ANO3: variants seen among roughly 807,000 people sequenced by gnomAD.
ANO3 encodes anoctamin-3.
ANO3 carries 99 observed loss-of-function variants against 144.8 expected under a neutral mutation model. The observed-to-expected ratio is 0.68, with a 90% CI of 0.58 to 0.81. The LOEUF is 0.81. Among genes scored for constraint, ANO3 ranks in the 30% least tolerant of loss-of-function variants. The probability of loss-of-function intolerance (pLI) is 0.00; values close to 1 mark genes in which losing one functional copy is unlikely to be tolerated. For synonymous variants in ANO3, 414 were observed against 392.6 expected (o/e 1.05, Z -0.64); for missense variants, 905 against 1,202.2 (o/e 0.75, Z 3.66).
chr11:26,335,015 G>T (rs1855156871), intron 1 of ANO3, among the ~76,000 whole-genome samples: 1 of 152,106 alleles, frequency 6.6e-6, no homozygotes, highest in African/African-American at 2.4e-5. Flanking sequence ...GATCAAAATT[G>T]GTTTTGATAG....
At chr11:26,597,085 G>T (rs966822788) in intron 14 of ANO3, among the ~76,000 whole-genome samples, 2 of 152,010 alleles carry the variant, frequency 1.3e-5, no homozygotes, top group Non-Finnish European at 2.9e-5. Context: ...GGATAGGACA[G>T]AATAGCAAGT....
At chr11:26,452,177 T>G (rs1428289780) in intron 3 of ANO3, among the ~76,000 whole-genome samples, 2 of 152,062 alleles carry the variant, frequency 1.3e-5, no homozygotes, top group Non-Finnish European at 2.9e-5. Context: ...GCAGAGCACC[T>G]CTCCTGCTCC....
exon 1 of ANO3, chr11:26,189,161 A>G (rs1457096863): frequency 1.0e-6 from 1 of 979,906 alleles, no homozygotes; most frequent in African/African-American, 1.8e-5. Context: ...TTACATAGTT[A>G]TATGGGAATT....
intron 17 of ANO3, among the ~76,000 whole-genome samples, chr11:26,601,822 A>G (rs1851807427): frequency 6.6e-6 from 1 of 152,212 alleles, no homozygotes. Flanking sequence ...TTTCTAGGTC[A>G]CAGAAGCAGT....
chr11:26,534,593 C>T lies in ANO3; in HGVS notation c.976+31C>T, dbSNP rs755807335. 5 of 1,438,546 alleles carry T rather than the reference C, an allele frequency of 3.5e-6. No individual in the cohort carries two copies. In the South Asian group the frequency reaches 5.8e-5, roughly 17 times the overall value. The allele number at this position is 1,438,546 out of a possible 1,614,324, so 89.1% of individuals were successfully genotyped here. ...AACATTAATTAATAACAGAGTAGAA[C>T]TTGCTGTTACTATTTATACCCAGAA... On this transcript the variant is annotated intron_variant, in intron 9 of 26. Transcript: ENST00000256737.
chr11:26,230,503 G>T (rs1327374658), intron 1 of ANO3, among the ~76,000 whole-genome samples: 2 of 151,984 alleles, frequency 1.3e-5, no homozygotes, highest in Non-Finnish European at 2.9e-5. Context: ...TCTAATTAAA[G>T]ATTTATCTTT....
intron 1 of ANO3, among the ~76,000 whole-genome samples, chr11:26,221,381 T>A: frequency 6.6e-6 from 1 of 152,198 alleles, no homozygotes; most frequent in East Asian, 1.9e-4. Flanking sequence ...CACTATAGCC[T>A]GTGACAGAAT....
chr11:26,457,595 T>C (rs1859216770), intron 3 of ANO3, among the ~76,000 whole-genome samples: 1 of 152,150 alleles, frequency 6.6e-6, no homozygotes, highest in Admixed American at 6.6e-5. Flanking sequence ...AAATATTCTA[T>C]GGGAATATTT....
upstream of ANO3, among the ~76,000 whole-genome samples, chr11:26,327,689 AT>A (rs1162419982): frequency 6.6e-6 from 1 of 152,226 alleles, no homozygotes; most frequent in East Asian, 1.9e-4. Context: ...TAAATTGTCT[AT>A]TTTTAATAAC....
At chr11:26,214,440 A>G (rs1365922891) in intron 1 of ANO3, among the ~76,000 whole-genome samples, 2 of 151,844 alleles carry the variant, frequency 1.3e-5, no homozygotes, top group African/African-American at 4.8e-5. Flanking sequence ...TTTAACAACA[A>G]TCGCAATATA....
chr11:26,504,790 A>G (rs1312694160), intron 4 of ANO3, among the ~76,000 whole-genome samples: 4 of 20,776 alleles, frequency 1.9e-4, no homozygotes, highest in Admixed American at 1.1e-3. Context: ...TTGGGAGGCC[A>G]AGGCGGGCAG....
Position 26,383,632 on chromosome 11 carries a change from A to T in ANO3, c.46+51311A>T, listed in dbSNP as rs560369111. Among the ~76,000 whole-genome samples, 30 of 152,294 alleles carry T rather than the reference A, an allele frequency of 2.0e-4. 1 individual carries two copies. Among genetic ancestry groups the T allele is most frequent in the South Asian group, 1.0e-3 (5 of 4,830 alleles). Reference sequence around the variant, plus strand: ...AATAACCTCAGTTTACCTTAGGAGAACTACATTGAAAAATAAAACAATCTT... The same window carrying T: ...AATAACCTCAGTTTACCTTAGGAGATCTACATTGAAAAATAAAACAATCTT... On this transcript the variant is annotated intron_variant, in intron 1 of 26. Coordinates refer to ENST00000256737, the MANE Select transcript of ANO3 (RefSeq NM_031418.4).
intron 26 of ANO3, among the ~76,000 whole-genome samples, chr11:26,659,726 T>G (rs899203612): frequency 2.0e-5 from 3 of 152,136 alleles, no homozygotes; most frequent in Admixed American, 6.6e-5. Flanking sequence ...AAAAGTAATA[T>G]GTTTTTTATC....
At chr11:26,549,252 A>T (rs148246913) in intron 12 of ANO3, among the ~76,000 whole-genome samples, 37 of 152,076 alleles carry the variant, frequency 2.4e-4, no homozygotes, top group African/African-American at 6.0e-4. Context: ...TCTTTTCTTC[A>T]GTGTTGTATG....
At chr11:26,365,985 TATATATATATATATA>T (rs1856067259) in intron 1 of ANO3, among the ~76,000 whole-genome samples, 3 of 1,546 alleles carry the variant, frequency 1.9e-3, no homozygotes, top group Non-Finnish European at 5.8e-3. Context: ...TATATATATA[TATATATATATATATA>T]TATTTTAATT....
chr11:26,471,222 C>T (rs752592520), intron 4 of ANO3, among the ~76,000 whole-genome samples: 1 of 151,860 alleles, frequency 6.6e-6, no homozygotes, highest in Non-Finnish European at 1.5e-5. Flanking sequence ...ACTGTAGACT[C>T]GGCTTTTCTG....
intron 4 of ANO3, among the ~76,000 whole-genome samples, chr11:26,483,690 G>A (rs1009947830): frequency 6.6e-6 from 1 of 152,110 alleles, no homozygotes. Context: ...TTATAGCAAT[G>A]CAAGAATGAA....
intron 1 of ANO3, among the ~76,000 whole-genome samples, chr11:26,201,699 T>G (rs1354795013): frequency 2.0e-5 from 3 of 151,758 alleles, no homozygotes; most frequent in Non-Finnish European, 4.4e-5. Flanking sequence ...CTCATGAATG[T>G]CATGATAGTG....
chr11:26,512,342 G>A (rs147535950), intron 5 of ANO3, among the ~76,000 whole-genome samples: 35 of 152,280 alleles, frequency 2.3e-4, no homozygotes, highest in African/African-American at 7.2e-4. Context: ...AAGTGTGAAG[G>A]CAGTGGGTGT....
Sources: allele counts gnomAD v4.1 joint callset (sites outside exome capture counted in the v4.1 genomes callset), GRCh38; gene constraint gnomAD v4.1.1; transcripts MANE v1.5; gene names NCBI Gene and HGNC (gene_info 2026-07-23, HGNC 2026-07-21).